Variants in VAC14 observed in about 807,000 individuals in gnomAD.
The protein encoded by VAC14 is VAC14 component of PIKFYVE complex.
A neutral mutation model predicts 85.3 loss-of-function variants in VAC14; 47 were observed. The observed-to-expected ratio is 0.55, with a 90% CI of 0.44 to 0.70. The LOEUF (loss-of-function observed/expected upper bound fraction) is 0.70. VAC14 is among the 30% of genes least tolerant of loss of function. The pLI is 0.00. For synonymous variants in VAC14, 447 were observed against 430.5 expected (o/e 1.04, Z -0.47); for missense variants, 861 against 1,004.3 (o/e 0.86, Z 1.93).
At chr16:70,692,137 A>G (rs1198374261) in intron 18 of VAC14, 6 of 973,792 alleles carry the variant, frequency 6.2e-6, no homozygotes, top group Non-Finnish European at 7.3e-6. Context: ...ATGCAGCCCT[A>G]CAGGCTCTGG....
intron 12 of VAC14, among the ~76,000 whole-genome samples, chr16:70,756,581 C>G (rs969535212): frequency 6.6e-6 from 1 of 152,198 alleles, no homozygotes; most frequent in Non-Finnish European, 1.5e-5. Flanking sequence ...CATCTGCCAC[C>G]AGTGAAGAGC....
At chr16:70,768,673 A>G (rs2032992294) in intron 10 of VAC14, 2 of 362,726 alleles carry the variant, frequency 5.5e-6, no homozygotes, top group Non-Finnish European at 1.1e-5. Flanking sequence ...TCTCAGGTTT[A>G]GTCAGTTAAT....
intron 14 of VAC14, among the ~76,000 whole-genome samples, chr16:70,722,526 G>C (rs1006085867): frequency 1.1e-4 from 16 of 152,352 alleles, no homozygotes; most frequent in African/African-American, 3.6e-4. Context: ...CGCAGGCGGA[G>C]AGAGAAGGGA....
chr16:70,745,482 A>AGG (rs1555520581), intron 12 of VAC14, among the ~76,000 whole-genome samples: 1 of 143,778 alleles, frequency 7.0e-6, no homozygotes, highest in Non-Finnish European at 1.5e-5. Flanking sequence ...GAGGGGCTTC[A>AGG]GTGTGTGTGT....
chr16:70,748,058 C>T (rs1597929342), intron 12 of VAC14: 1 of 152,258 alleles, frequency 6.6e-6, no homozygotes, highest in Non-Finnish European at 1.5e-5. Context: ...ACAGGATACA[C>T]ACAAGGGAAC....
chr16:70,691,102 G>A, intron 18 of VAC14: 1 of 985,502 alleles, frequency 1.0e-6, no homozygotes. Flanking sequence ...AGACTTCCCT[G>A]ACTGACCGTG....
chr16:70,794,520 G>A (rs2034464499), intron 1 of VAC14, among the ~76,000 whole-genome samples: 1 of 152,222 alleles, frequency 6.6e-6, no homozygotes, highest in Admixed American at 6.5e-5. Flanking sequence ...CCAGGCAGGA[G>A]ATATGGGGGA....
chr16:70,783,394 A>C (rs2033903807), intron 6 of VAC14, 51 bp downstream of exon 6: 9 of 1,551,652 alleles, frequency 5.8e-6, no homozygotes, highest in African/African-American at 2.7e-5. Flanking sequence ...GCACATGGGC[A>C]CAGCTGGGGG....
At chr16:70,714,324 T>G (rs111701172) in intron 14 of VAC14, 1 of 152,218 alleles carries the variant, frequency 6.6e-6, no homozygotes, top group Non-Finnish European at 1.5e-5. Flanking sequence ...CTGGGAAATA[T>G]TCACAGACGG....
chr16:70,699,478 G>A (rs946400791), intron 14 of VAC14: 1 of 152,408 alleles, frequency 6.6e-6, no homozygotes, highest in East Asian at 1.9e-4. Flanking sequence ...CTGGTCCCTG[G>A]GCCATGACCC....
At chr16:70,747,943 T>A (rs530353021) in intron 12 of VAC14, 1 of 149,368 alleles carries the variant, frequency 6.7e-6, no homozygotes, top group South Asian at 2.1e-4. Flanking sequence ...AGGCCTGGCC[T>A]GTGCAAGGTT....
At chr16:70,692,508 G>C (rs1045872993) in intron 18 of VAC14, among the ~76,000 whole-genome samples, 1 of 152,144 alleles carries the variant, frequency 6.6e-6, no homozygotes, top group Non-Finnish European at 1.5e-5. Flanking sequence ...CTCTGTCTGG[G>C]TAACTCCAGA....
At chr16:70,730,517 C>A (rs2054558396) in intron 14 of VAC14, among the ~76,000 whole-genome samples, 1 of 151,980 alleles carries the variant, frequency 6.6e-6, no homozygotes, top group African/African-American at 2.4e-5. Context: ...TCTACTCAGT[C>A]CCCAAGCACC....
At chr16:70,703,454 C>T (rs1247356615) in intron 14 of VAC14, among the ~76,000 whole-genome samples, 2 of 151,886 alleles carry the variant, frequency 1.3e-5, no homozygotes, top group African/African-American at 2.4e-5. Context: ...AGTAAGGGGG[C>T]CTCTGGTATA....
chr16:70,732,127 T>G (rs1415764670), intron 13 of VAC14, among the ~76,000 whole-genome samples: 1 of 152,218 alleles, frequency 6.6e-6, no homozygotes, highest in Non-Finnish European at 1.5e-5. Context: ...ACAAAACTGA[T>G]GGACCCACAA....
intron 9 of VAC14, among the ~76,000 whole-genome samples, chr16:70,777,159 G>A (rs2033562910): frequency 6.6e-6 from 1 of 152,032 alleles, no homozygotes. Context: ...TGGCCAGGCT[G>A]GTCTCGAACT....
intron 14 of VAC14, among the ~76,000 whole-genome samples, chr16:70,710,927 C>G (rs903493452): frequency 6.6e-6 from 1 of 152,270 alleles, no homozygotes; most frequent in Admixed American, 6.5e-5. Flanking sequence ...TTCAAAGGAC[C>G]TCCTGCGCTC....
At position 70,738,601 on chromosome 16, in the gene VAC14, G is replaced by C. The variant is rs146610936; in HGVS notation, c.1528+5822C>G. Among the ~76,000 whole-genome samples the C allele has an allele frequency of 8.8e-3, 1,342 of 152,274 alleles. 6 individuals carry two copies. The highest frequency in any genetic ancestry group is 0.037 in the South Asian group (179 of 4,824). The stretch of plus-strand genomic sequence containing the variant: ...CCCCTGCTGGTGGAGCAGGGGGGCT[G>C]GACTGCTGGGGCTTCCAACTGGACA... On this transcript the variant is annotated intron_variant, in intron 13 of 18. Coordinates refer to ENST00000261776, the MANE Select transcript of VAC14 (RefSeq NM_018052.5).
At position 70,762,943 on chromosome 16, in the gene VAC14, T is replaced by C. The variant is rs1326705590; in HGVS notation, c.1243A>G (p.Met415Val). The part of the protein sequence containing the change: ...NCHLSDTAIG[M>V]MTRIAVLKWL... The stretch of plus-strand genomic sequence containing the variant: ...TTGAGAACTGCAATCCTGGTCATCA[T>C]CCCAATGGCCGTGTCACTGAGGTGG... Residue 415 changes from methionine (M) to valine (V), a missense_variant, in exon 11 of 19, where the codon ATG becomes GTG. Met to Val is a conservative substitution (Grantham distance 21, BLOSUM62 1). Around this residue, in one of 3 missense-constraint regions of VAC14, gnomAD observed 629 missense variants for 703.1 expected, o/e 0.89. Coordinates refer to ENST00000261776, the MANE Select transcript of VAC14 (RefSeq NM_018052.5). This position sits in a 1 kb window ranked among gnomAD's most constrained non-coding sequence, Gnocchi z 4.1. The C allele has an allele frequency of 6.2e-7, 1 of 1,614,190 alleles. No homozygotes were observed. The highest frequency in any genetic ancestry group is 1.7e-5 in the Admixed American group (1 of 60,022).
Sources: allele counts gnomAD v4.1 joint callset (sites outside exome capture counted in the v4.1 genomes callset), GRCh38; gene constraint gnomAD v4.1.1; regional missense constraint gnomAD v4.1.1; non-coding constraint Gnocchi (gnomAD v3.1); transcripts MANE v1.5; gene names NCBI Gene and HGNC (gene_info 2026-07-23, HGNC 2026-07-21).